Variants in ACOT7 observed in about 807,000 individuals in gnomAD.
The protein encoded by ACOT7 is acyl-CoA thioesterase 7, also known as cytosolic acyl coenzyme A thioester hydrolase.
In ACOT7, 12 loss-of-function variants were observed where a neutral mutation model predicts 40.2. The observed-to-expected ratio is 0.30, with a 90% CI of 0.19 to 0.48. ACOT7 has a LOEUF of 0.48. Ranked by LOEUF, ACOT7 falls within the 20% of genes least tolerant of loss-of-function variation. The pLI is 0.99. For missense variants in ACOT7, 395 were observed against 530.8 expected (o/e 0.74, Z 2.51); for synonymous variants, 228 against 219.5 (o/e 1.04, Z -0.34).
intron 4 of ACOT7, among the ~76,000 whole-genome samples, chr1:6,327,666 A>G (rs1476838105): frequency 1.3e-5 from 2 of 152,226 alleles, no homozygotes; most frequent in Non-Finnish European, 2.9e-5. Flanking sequence ...CTACAAATAT[A>G]TAAAAAGCTC....
Position 6,274,736 on chromosome 1 carries a change from T to G in ACOT7, c.1014+6366A>C, listed in dbSNP as rs1242448788. Among the ~76,000 whole-genome samples, 2 of 152,194 alleles carry G rather than the reference T, an allele frequency of 1.3e-5. No individual in the cohort carries two copies. The highest frequency in any genetic ancestry group is 6.5e-5 in the Admixed American group (1 of 15,284). On this transcript the variant is annotated intron_variant, in intron 8 of 8. Transcript: ENST00000361521. This position sits in a 1 kb window ranked among gnomAD's most constrained non-coding sequence, Gnocchi z 5.9. ...CCAACCCCCACACTCCACAGTGGCC[T>G]GTGGAGGTTCAGTCACCTGCCCAGC...
At chr1:6,296,036 C>T (rs912175310) in intron 6 of ACOT7, among the ~76,000 whole-genome samples, 3 of 152,086 alleles carry the variant, frequency 2.0e-5, no homozygotes, top group South Asian at 4.1e-4. Flanking sequence ...TCCAAAGTAG[C>T]TGGGATGACA....
chr1:6,360,350 T>C (rs908595580), intron 1 of ACOT7, among the ~76,000 whole-genome samples: 2 of 151,968 alleles, frequency 1.3e-5, no homozygotes, highest in African/African-American at 4.8e-5. Flanking sequence ...CCCTGAGCCC[T>C]CCCCACCCAG....
In ACOT7 at chr1:6,343,584, C is replaced by T. The variant is rs1241229203; in HGVS notation, c.262-3995G>A. Among the ~76,000 whole-genome samples, 3 of 152,274 alleles carry T rather than the reference C, an allele frequency of 2.0e-5. No homozygotes were observed. In the South Asian group the frequency reaches 6.2e-4, roughly 31 times the overall value. On this transcript the variant is annotated intron_variant, in intron 2 of 8. Transcript: ENST00000361521. ...TGCCTGGAACTGTCTCTTTCACCCC[C>T]AAGTCAATGTATGTGGCTATGGCGC...
chr1:6,360,782 C>T, intron 1 of ACOT7: 2 of 1,498,532 alleles, frequency 1.3e-6, no homozygotes, highest in East Asian at 2.4e-5. Context: ...TTGCTGCCTC[C>T]CTAAGCAACC....
intron 1 of ACOT7, among the ~76,000 whole-genome samples, chr1:6,377,618 A>G (rs1642257912): frequency 1.3e-5 from 2 of 152,218 alleles, no homozygotes; most frequent in Admixed American, 6.6e-5. Flanking sequence ...TAAAGGAAGC[A>G]CAGAGTATCA....
At position 6,306,735 on chromosome 1, in the gene ACOT7, G is replaced by A. The variant is rs564731987; in HGVS notation, c.713-11755C>T. ...CCTCAAGAGTAGGGAACAGCTCTTC[G>A]TCCACCTTTTTCCTTCCTTGCCCCA... On this transcript the variant is annotated intron_variant, in intron 6 of 8. Coordinates refer to ENST00000361521, the MANE Select transcript of ACOT7 (RefSeq NM_007274.4). The surrounding 1 kb of genome is among the most constrained non-coding windows in gnomAD (Gnocchi z 4.3). The A allele has an allele frequency of 1.2e-4, 145 of 1,243,950 alleles. No individual in the cohort carries two copies. Among genetic ancestry groups the A allele is most frequent in the Admixed American group, 3.1e-4 (12 of 39,232 alleles). 77.1% of individuals were successfully genotyped at this position (1,243,950 alleles called of 1,614,324 possible). A position where few individuals can be genotyped will look rare whatever the true frequency, so the allele number is the denominator to read the frequency against.
chr1:6,318,718 G>A (rs1640562325), intron 5 of ACOT7, 140 bp from the exon 6 acceptor site: 2 of 782,128 alleles, frequency 2.6e-6, no homozygotes, highest in African/African-American at 3.4e-5. Context: ...ATTTCTCTAA[G>A]GAAAACTATG....
chr1:6,328,904 G>A (rs1249901162), intron 4 of ACOT7, among the ~76,000 whole-genome samples: 1 of 152,188 alleles, frequency 6.6e-6, no homozygotes, highest in Non-Finnish European at 1.5e-5. Context: ...CAGACCCTCT[G>A]CCTGCTCCAT....
chr1:6,309,694 G>A (rs1640277683), intron 6 of ACOT7, among the ~76,000 whole-genome samples: 1 of 152,092 alleles, frequency 6.6e-6, no homozygotes, highest in Non-Finnish European at 1.5e-5. Context: ...TCTCGTTAAG[G>A]AGGCTTAGGC....
At position 6,338,427 on chromosome 1, in the gene ACOT7, C is replaced by A. The variant is rs797006405; in HGVS notation, c.418+1006G>T. Among the ~76,000 whole-genome samples, 2 of 152,310 alleles carry A rather than the reference C, an allele frequency of 1.3e-5. No homozygotes were observed. The highest frequency in any genetic ancestry group is 4.8e-5 in the African/African-American group (2 of 41,566). ...CTGGGCCACATCCTGAGACCAGCAT[C>A]CAGGGTCCCTCTGATGTCAGAGGTG... On this transcript the variant is annotated intron_variant, in intron 3 of 8. Coordinates refer to ENST00000361521, the MANE Select transcript of ACOT7 (RefSeq NM_007274.4). This position sits in a 1 kb window ranked among gnomAD's most constrained non-coding sequence, Gnocchi z 4.4.
chr1:6,341,685 T>C (rs1317345643), intron 2 of ACOT7, among the ~76,000 whole-genome samples: 2 of 152,034 alleles, frequency 1.3e-5, no homozygotes, highest in African/African-American at 4.8e-5. Context: ...GAGCTTGCAG[T>C]GAGCCAAGAT....
intron 7 of ACOT7, among the ~76,000 whole-genome samples, chr1:6,291,374 A>T (rs1477906966): frequency 6.6e-6 from 1 of 151,878 alleles, no homozygotes; most frequent in Non-Finnish European, 1.5e-5. Flanking sequence ...CAAGCCAAGA[A>T]ACGTCAAGGA....
At chr1:6,337,642 G>A (rs1470263952) in intron 3 of ACOT7, among the ~76,000 whole-genome samples, 2 of 152,056 alleles carry the variant, frequency 1.3e-5, no homozygotes, top group African/African-American at 4.8e-5. Flanking sequence ...CTGAAAGCCT[G>A]AGAACGCCTT....
chr1:6,365,125 G>A (rs1244935491), intron 1 of ACOT7, among the ~76,000 whole-genome samples: 2 of 152,218 alleles, frequency 1.3e-5, no homozygotes, highest in African/African-American at 2.4e-5. Context: ...AAAGAGAACT[G>A]TGCAAGTCCA....
intron 5 of ACOT7, among the ~76,000 whole-genome samples, chr1:6,323,737 A>ATATATATATAT (rs70981381): frequency 7.8e-5 from 3 of 38,416 alleles, no homozygotes; most frequent in African/African-American, 1.7e-4. Context: ...AAAAAAAAAA[A>ATATATATATAT]ATATATATAT....
At chr1:6,295,781 T>C (rs1639796295) in intron 6 of ACOT7, among the ~76,000 whole-genome samples, 1 of 151,728 alleles carries the variant, frequency 6.6e-6, no homozygotes, top group East Asian at 1.9e-4. Flanking sequence ...TAGGGGGATA[T>C]GGGAATGACC....
chr1:6,332,849 AAAAGAAAG>A (rs137954170), intron 4 of ACOT7, among the ~76,000 whole-genome samples: 1 of 151,958 alleles, frequency 6.6e-6, no homozygotes, highest in Non-Finnish European at 1.5e-5. Context: ...AAAAAAAACA[AAAAGAAAG>A]AAAGAAAGAA....
intron 3 of ACOT7, among the ~76,000 whole-genome samples, chr1:6,338,000 C>CAAAAAAAA (rs769360339): frequency 4.2e-5 from 3 of 71,814 alleles, no homozygotes; most frequent in Non-Finnish European, 6.4e-5. Flanking sequence ...GACACCATCT[C>CAAAAAAAA]AAAAAAAAAA....
Sources: allele counts gnomAD v4.1 joint callset (sites outside exome capture counted in the v4.1 genomes callset), GRCh38; gene constraint gnomAD v4.1.1; non-coding constraint Gnocchi (gnomAD v3.1); transcripts MANE v1.5; gene names NCBI Gene and HGNC (gene_info 2026-07-23, HGNC 2026-07-21).